SCUBE2: variants seen among roughly 807,000 people sequenced by gnomAD.
SCUBE2 encodes the protein signal peptide, CUB and EGF-like domain-containing protein 2.
SCUBE2 carries 114 observed loss-of-function variants against 125.9 expected under a neutral mutation model. The observed-to-expected ratio is 0.91, with a 90% confidence interval of 0.78 to 1.06. The LOEUF is 1.06. SCUBE2 is among the 50% of genes least tolerant of loss of function. The pLI is 0.00. For missense variants in SCUBE2, 1,255 were observed against 1,301.8 expected (o/e 0.96, Z 0.55); for synonymous variants, 459 against 492.9 (o/e 0.93, Z 0.91).
Position 9,091,570 on chromosome 11 carries a change from C to CGGT in SCUBE2, c.-45_-43dup. The stretch of plus-strand genomic sequence containing the variant: ...GCGGGCAGAGGCGGCGGAGTGCGGG[C>CGGT]GGTGGCGGCGGCGGCGCGGGGAGGT... On this transcript the variant is annotated 5_prime_UTR_variant, in exon 1 of 23. Coordinates refer to ENST00000649792, the MANE Select transcript of SCUBE2 (RefSeq NM_001367977.2). The surrounding 1 kb of genome is among the most constrained non-coding windows in gnomAD (Gnocchi z 8.5). 1 of 434,960 alleles carries CGGT rather than the reference C, an allele frequency of 2.3e-6. No homozygotes were observed. Among genetic ancestry groups the CGGT allele is most frequent in the East Asian group, 5.4e-5 (1 of 18,554 alleles). 26.9% of individuals were successfully genotyped at this position (434,960 alleles called of 1,614,324 possible).
chr11:9,054,725 A>ATATATATATATATATATATT (rs1368153935), intron 10 of SCUBE2, among the ~76,000 whole-genome samples: 1 of 22,344 alleles, frequency 4.5e-5, no homozygotes, highest in Non-Finnish European at 7.1e-5. Context: ...ATATATATAT[A>ATATATATATATATATATATT]TTTTTTTTTT....
Position 9,074,631 on chromosome 11 carries a change from G to C in SCUBE2, c.383-16C>G, listed in dbSNP as rs747345481. 6.2e-7 allele frequency: 1 copy of C among 1,613,992 alleles called. No homozygotes were observed. The highest frequency in any genetic ancestry group is 2.2e-5 in the East Asian group (1 of 44,868). ...TCGTCCACATCTGGAAGGAGAGAGG[G>C]ATTAGCCTTTGCTTTGGTGACTGTT... is the stretch of plus-strand genomic sequence containing the variant. On this transcript the variant is annotated splice_polypyrimidine_tract_variant and intron_variant, in intron 3 of 22. Coordinates refer to ENST00000649792, the MANE Select transcript of SCUBE2 (RefSeq NM_001367977.2).
At chr11:9,083,699 C>T (rs1861835300) in intron 2 of SCUBE2, among the ~76,000 whole-genome samples, 3 of 151,860 alleles carry the variant, frequency 2.0e-5, no homozygotes, top group South Asian at 4.2e-4. Context: ...GGATTACAGG[C>T]GTGCTGTAAT....
chr11:9,069,566 G>A (rs1860583275), intron 4 of SCUBE2, 71 bp from the exon 5 acceptor site: 2 of 1,592,500 alleles, frequency 1.3e-6, no homozygotes, highest in South Asian at 2.2e-5. Flanking sequence ...GAGCGGCAAA[G>A]GGCTAAGGGG....
chr11:9,047,891 A>G, intron 15 of SCUBE2, 52 bp downstream of exon 15: 3 of 1,548,824 alleles, frequency 1.9e-6, no homozygotes, highest in Non-Finnish European at 2.6e-6. Flanking sequence ...AGGCAAAGAA[A>G]TAAGGAGCAA....
chr11:9,035,526 C>T (rs1856682056), intron 16 of SCUBE2, among the ~76,000 whole-genome samples: 1 of 152,034 alleles, frequency 6.6e-6, no homozygotes. Context: ...ATGTAAGCTG[C>T]CAAGAAATAG....
At chr11:9,080,085 A>G (rs1238354091) in intron 2 of SCUBE2, among the ~76,000 whole-genome samples, 1 of 152,234 alleles carries the variant, frequency 6.6e-6, no homozygotes, top group African/African-American at 2.4e-5. Flanking sequence ...GTACAGGCAT[A>G]AAGACAGAGG....
chr11:9,072,196 TTTTGGTTTG>T (rs1276272211), intron 4 of SCUBE2, among the ~76,000 whole-genome samples: 1 of 151,434 alleles, frequency 6.6e-6, no homozygotes, highest in Non-Finnish European at 1.5e-5. Context: ...TTTTGTTTTG[TTTTGGTTTG>T]TTTTGTTTGT....
intron 4 of SCUBE2, among the ~76,000 whole-genome samples, chr11:9,072,960 A>C (rs1338838720): frequency 6.6e-6 from 1 of 152,108 alleles, no homozygotes; most frequent in Non-Finnish European, 1.5e-5. Flanking sequence ...CTGGAAGTAC[A>C]GGGATAAGAG....
Position 9,053,180 on chromosome 11 carries a change from G to T in SCUBE2, c.1366C>A (p.Arg456Ser), listed in dbSNP as rs77907325. The T allele has an allele frequency of 4.3e-6, 7 of 1,614,076 alleles. No individual in the cohort carries two copies. The highest frequency in any genetic ancestry group is 5.9e-6 in the Non-Finnish European group (7 of 1,180,028). ...KGLLPTSVSP[R>S]VSLHCGKSGG... The stretch of plus-strand genomic sequence containing the variant: ...CTCTTACCGCAGTGCAGGGACACAC[G>T]GGGTGACACACTTGTGGGCAGGAGC... Residue 456 changes from arginine to serine, a missense_variant, in exon 12 of 23, where the codon CGT (arginine) becomes AGT (serine). Physicochemically the swap from Arg to Ser is moderately radical, Grantham distance 110. This residue lies in a region of SCUBE2 where 378 missense variants were observed against 463.1 expected (regional missense o/e 0.82). Transcript: ENST00000649792.
At chr11:9,063,707 C>A (rs370847883) in intron 7 of SCUBE2, among the ~76,000 whole-genome samples, 1 of 152,092 alleles carries the variant, frequency 6.6e-6, no homozygotes, top group South Asian at 2.1e-4. Flanking sequence ...AACAGGAGAG[C>A]GGCAAAGGGA....
In SCUBE2 at chr11:9,021,196, T is replaced by A. The variant is rs1289136577; in HGVS notation, c.2936A>T (p.Asp979Val). 6 of 1,559,590 alleles carry A rather than the reference T, an allele frequency of 3.8e-6. No individual in the cohort carries two copies. The highest frequency in any genetic ancestry group is 1.7e-4 in the Middle Eastern group (1 of 5,854). ...AAACAGAGCCTTGATAAGTTTCTTA[T>A]CCTAAAAAGAACAGAATTTTTGTTA... ...ASENHQEILK[D>V]KKLIKALFDV... The change falls in exon 23 of 23, where the codon GAT becomes GTT. Residue 979 changes from aspartate (D) to valine (V), a missense_variant and splice_region_variant. Transcript: ENST00000649792.
At chr11:9,089,950 G>A (rs746278520) in intron 1 of SCUBE2, 121 bp from the exon 2 acceptor site, 12 of 1,300,100 alleles carry the variant, frequency 9.2e-6, no homozygotes, top group African/African-American at 1.5e-5. Flanking sequence ...AGCTACAGCT[G>A]CTTGGGATCC....
intron 16 of SCUBE2, 65 bp downstream of exon 16, chr11:9,047,291 G>T: frequency 6.4e-7 from 1 of 1,557,272 alleles, no homozygotes; most frequent in South Asian, 1.1e-5. Context: ...ACTTGCCTTC[G>T]GTTACCCTGA....
At chr11:9,031,481 TA>T (rs1257615822) in intron 17 of SCUBE2, among the ~76,000 whole-genome samples, 1 of 151,942 alleles carries the variant, frequency 6.6e-6, no homozygotes, top group Non-Finnish European at 1.5e-5. Flanking sequence ...ATTTAAAAAT[TA>T]GCCAGACATA....
chr11:9,086,742 A>G (rs1862102214), intron 2 of SCUBE2, among the ~76,000 whole-genome samples: 1 of 151,852 alleles, frequency 6.6e-6, no homozygotes, highest in Admixed American at 6.6e-5. Context: ...AATTCCAGCT[A>G]CTAGGGAGGT....
At chr11:9,030,151 T>C in intron 18 of SCUBE2, 106 bp from the exon 19 acceptor site, 2 of 1,311,186 alleles carry the variant, frequency 1.5e-6, no homozygotes, top group South Asian at 1.5e-5. Flanking sequence ...TATGTGCAAA[T>C]GAAGTAGGGC....
At chr11:9,088,066 A>G (rs943295911) in intron 2 of SCUBE2, among the ~76,000 whole-genome samples, 1 of 152,258 alleles carries the variant, frequency 6.6e-6, no homozygotes, top group African/African-American at 2.4e-5. Context: ...ACTGCTGAGC[A>G]TTATATACTG....
intron 22 of SCUBE2, 42 bp downstream of exon 22, chr11:9,021,834 C>A: frequency 7.1e-7 from 1 of 1,415,396 alleles, no homozygotes; most frequent in Non-Finnish European, 1.0e-6. Flanking sequence ...ACTCGGGAAG[C>A]TCTGTGGATA....
Sources: gnomAD v4.1 joint callset for allele counts (sites outside exome capture counted in the v4.1 genomes callset) on GRCh38, gnomAD v4.1.1 for gene constraint, gnomAD v4.1.1 regional missense constraint, Gnocchi (gnomAD v3.1) non-coding constraint, MANE v1.5 for transcripts, NCBI Gene and HGNC (gene_info 2026-07-23, HGNC 2026-07-21) for gene names.